The following ANK2 variants were observed in gnomAD, a reference collection of about 807,000 sequenced individuals.
ANK2 encodes the protein ankyrin-2.
A neutral mutation model predicts 360.5 loss-of-function variants in ANK2; 83 were observed. The ratio of observed to expected loss-of-function variants is 0.23; its 90% CI spans 0.19 to 0.28. ANK2 has a LOEUF of 0.28. ANK2 is among the 10% of genes least tolerant of loss of function. The probability of loss-of-function intolerance (pLI) is 1.00; values close to 1 mark genes in which losing one functional copy is unlikely to be tolerated. For missense variants in ANK2, 4,201 were observed against 4,795.7 expected (o/e 0.88, Z 3.66); for synonymous variants, 1,740 against 1,759.5 (o/e 0.99, Z 0.28).
At chr4:113,295,357 A>C (rs1216526515) in intron 22 of ANK2, among the ~76,000 whole-genome samples, 1 of 152,180 alleles carries the variant, frequency 6.6e-6, no homozygotes, top group African/African-American at 2.4e-5. Flanking sequence ...TCTGGTTTCA[A>C]AGAGATCTCA....
chr4:113,118,669 T>G (rs1288454476), intron 1 of ANK2, among the ~76,000 whole-genome samples: 1 of 152,220 alleles, frequency 6.6e-6, no homozygotes, highest in Non-Finnish European at 1.5e-5. Context: ...AAGGCCGTGT[T>G]GTTTCAAGAT....
chr4:113,353,809 G>A lies in ANK2; in HGVS notation c.5191G>A (p.Gly1731Ser). The A allele has an allele frequency of 6.2e-7, 1 of 1,613,978 alleles. No individual in the cohort carries two copies. The change falls in exon 38 of 46, where the codon GGT becomes AGT. Residue 1731 changes from glycine (G) to serine (S), a missense_variant. This residue lies in a region of ANK2 where 2,642 missense variants were observed against 2,714.5 expected (regional missense o/e 0.97). Transcript: ENST00000357077. The stretch of plus-strand genomic sequence containing the variant: ...TGCAGAGAAAGCTGAACTTAAAAAA[G>A]GTAGTTCAGAAGAGTCATTAGGTGA... ...ASAEKAELKK[G>S]SSEESLGEDP...
At chr4:113,185,182 T>G (rs963168969) in intron 2 of ANK2, among the ~76,000 whole-genome samples, 5 of 152,212 alleles carry the variant, frequency 3.3e-5, no homozygotes, top group African/African-American at 1.2e-4. Context: ...GCATGTGTCT[T>G]TATAGTAGAA....
At chr4:112,837,778 G>A (rs2061310660) in intron 1 of ANK2, among the ~76,000 whole-genome samples, 1 of 152,188 alleles carries the variant, frequency 6.6e-6, no homozygotes, top group South Asian at 2.1e-4. Context: ...CTTTGTTTTG[G>A]CCAATTTATC....
At chr4:112,753,283 C>T in the ANK2 span, among the ~76,000 whole-genome samples, 1 of 152,114 alleles carries the variant, frequency 6.6e-6, no homozygotes, top group Non-Finnish European at 1.5e-5. Context: ...TACAGTTGAG[C>T]GGACTAGATA....
intron 29 of ANK2, among the ~76,000 whole-genome samples, chr4:113,333,782 G>A (rs773106664): frequency 6.6e-6 from 1 of 152,110 alleles, no homozygotes; most frequent in Non-Finnish European, 1.5e-5. Context: ...AGTTAGCCAG[G>A]GTTGAATTGC....
chr4:113,376,067 G>A (rs1420070285), intron 45 of ANK2, among the ~76,000 whole-genome samples: 5 of 152,220 alleles, frequency 3.3e-5, no homozygotes, highest in African/African-American at 1.2e-4. Context: ...CCTTGGTGAT[G>A]ACCTTGAGCA....
At chr4:113,312,630 G>A (rs540959688) in intron 24 of ANK2, among the ~76,000 whole-genome samples, 1 of 152,230 alleles carries the variant, frequency 6.6e-6, no homozygotes, top group African/African-American at 2.4e-5. Flanking sequence ...TCCTGGAGCA[G>A]ATGAAACCAA....
intron 1 of ANK2, among the ~76,000 whole-genome samples, chr4:112,885,796 CAAAAAAAAAAAA>C (rs750277917): frequency 3.0e-4 from 8 of 26,972 alleles, no homozygotes; most frequent in Admixed American, 6.0e-4. Context: ...GACTCTGTCT[CAAAAAAAAAAAA>C]AAAAAAAAAA....
At chr4:112,981,523 A>G (rs2043118916) in intron 2 of ANK2, among the ~76,000 whole-genome samples, 2 of 152,216 alleles carry the variant, frequency 1.3e-5, no homozygotes, top group Non-Finnish European at 2.9e-5. Flanking sequence ...AACTTCATGG[A>G]TGAGAAATAA....
chr4:113,008,529 T>C (rs1469246819), intron 2 of ANK2, among the ~76,000 whole-genome samples: 2 of 152,332 alleles, frequency 1.3e-5, no homozygotes, highest in South Asian at 2.1e-4. Flanking sequence ...ATAAATGATA[T>C]AAGAATTTCA....
intron 43 of ANK2, among the ~76,000 whole-genome samples, chr4:113,370,738 C>T (rs536571420): frequency 1.3e-5 from 2 of 152,118 alleles, no homozygotes; most frequent in South Asian, 2.1e-4. Context: ...CCAGCCTGGG[C>T]GACAGAGCAA....
At chr4:113,213,909 CTATGAATATAAATGGA>C in intron 4 of ANK2, 1 of 577,856 alleles carries the variant, frequency 1.7e-6, no homozygotes, top group East Asian at 3.0e-5. Flanking sequence ...AGAAAGAGAA[CTATGAATATAAATGGA>C]AAAAGAAACG....
chr4:113,377,860 G>A (rs2097011792), intron 45 of ANK2, among the ~76,000 whole-genome samples: 1 of 152,162 alleles, frequency 6.6e-6, no homozygotes, highest in South Asian at 2.1e-4. Flanking sequence ...CCATATGGAT[G>A]TTGCTTAGCA....
At chr4:113,295,307 A>G (rs1052650931) in intron 22 of ANK2, among the ~76,000 whole-genome samples, 1 of 152,202 alleles carries the variant, frequency 6.6e-6, no homozygotes, top group East Asian at 1.9e-4. Flanking sequence ...GTAAGAAAAT[A>G]CATTCATATT....
intron 1 of ANK2, among the ~76,000 whole-genome samples, chr4:113,088,627 C>T (rs185147553): frequency 2.0e-5 from 3 of 151,572 alleles, no homozygotes; most frequent in South Asian, 2.1e-4. Context: ...TAGAAAAGGA[C>T]GTTTTATGTC....
the ANK2 span, among the ~76,000 whole-genome samples, chr4:112,745,683 A>ACCTATAG: frequency 6.6e-6 from 1 of 151,876 alleles, no homozygotes; most frequent in Admixed American, 6.6e-5. Flanking sequence ...ATAGGCACCC[A>ACCTATAG]CCACCATGCC....
At chr4:113,170,334 A>C (rs1236274150) in intron 1 of ANK2, among the ~76,000 whole-genome samples, 2 of 152,200 alleles carry the variant, frequency 1.3e-5, no homozygotes, top group African/African-American at 4.8e-5. Flanking sequence ...CTGCTCAGGC[A>C]CTTTTGGCTC....
At chr4:113,265,169 C>A (rs899979442) in intron 14 of ANK2, among the ~76,000 whole-genome samples, 174 bp downstream of exon 14, 5 of 151,984 alleles carry the variant, frequency 3.3e-5, no homozygotes, top group Non-Finnish European at 7.4e-5. Context: ...AGCAATTACA[C>A]ACGACGAAAA....
Sources: gnomAD v4.1 joint callset for allele counts (sites outside exome capture counted in the v4.1 genomes callset) on GRCh38, gnomAD v4.1.1 for gene constraint, gnomAD v4.1.1 regional missense constraint, MANE v1.5 for transcripts, NCBI Gene and HGNC (gene_info 2026-07-23, HGNC 2026-07-21) for gene names.